The following ATRX variants were observed in gnomAD, a reference collection of about 807,000 sequenced individuals.
ATRX encodes the protein ATRX chromatin remodeler, also known as chromatin remodeler ATRX.
ATRX carries 12 observed loss-of-function variants against 172.6 expected under a neutral mutation model. The ratio of observed to expected loss-of-function variants is 0.07; its 90% CI spans 0.04 to 0.11. ATRX has a LOEUF of 0.11. Ranked by LOEUF, ATRX falls within the 10% of genes least tolerant of loss-of-function variation. The pLI is 1.00. For synonymous variants in ATRX, 674 were observed against 594.7 expected (o/e 1.13, Z -1.94); for missense variants, 1,368 against 1,767.4 (o/e 0.77, Z 4.05).
intron 2 of ATRX, among the ~76,000 whole-genome samples, chrX:77,713,611 G>T (rs1403950070): frequency 3.6e-5 from 4 of 111,387 alleles, no homozygotes; most frequent in African/African-American, 1.3e-4. Context: ...AATAAATAAT[G>T]ACAGAGAATA....
intron 10 of ATRX, among the ~76,000 whole-genome samples, chrX:77,673,690 T>C (rs942761639): frequency 9.0e-6 from 1 of 111,173 alleles, no homozygotes; most frequent in Non-Finnish European, 1.9e-5. Flanking sequence ...ATTCAGGATA[T>C]GACTAAGTTT....
intron 21 of ATRX, among the ~76,000 whole-genome samples, 156 bp from the exon 22 acceptor site, chrX:77,616,886 C>A (rs1388679683): frequency 9.0e-6 from 1 of 111,059 alleles, no homozygotes; most frequent in Non-Finnish European, 1.9e-5. Flanking sequence ...CTTTCTAAAC[C>A]CACAATTATC....
intron 15 of ATRX, among the ~76,000 whole-genome samples, chrX:77,649,587 T>C (rs921103044): frequency 5.4e-5 from 6 of 112,033 alleles, no homozygotes; most frequent in African/African-American, 1.9e-4. Context: ...AAATCTCATC[T>C]TGAATTCCCA....
chrX:77,628,032 T>C (rs1602948469), intron 19 of ATRX, among the ~76,000 whole-genome samples: 1 of 112,170 alleles, frequency 8.9e-6, no homozygotes. Flanking sequence ...ACAGGGGGAA[T>C]GGCAGCCATG....
chrX:77,639,795 T>C (rs782468753), intron 15 of ATRX, among the ~76,000 whole-genome samples: 2 of 112,024 alleles, frequency 1.8e-5, no homozygotes, highest in African/African-American at 3.2e-5. Flanking sequence ...ACTCAAGCTA[T>C]AATATAAGGA....
intron 27 of ATRX, among the ~76,000 whole-genome samples, chrX:77,585,391 T>G (rs1458763398): frequency 9.3e-6 from 1 of 107,215 alleles, no homozygotes. Context: ...CTGGCCAACA[T>G]GGTGAAACCC....
intron 1 of ATRX, among the ~76,000 whole-genome samples, chrX:77,756,514 G>A (rs964037479): frequency 2.0e-4 from 22 of 110,921 alleles, no homozygotes; most frequent in Non-Finnish European, 3.6e-4. Flanking sequence ...CGGGTCTGCG[G>A]ACTGCAAAAA....
intron 9 of ATRX, among the ~76,000 whole-genome samples, chrX:77,680,826 T>A (rs1569538546): frequency 9.0e-6 from 1 of 111,720 alleles, no homozygotes. Flanking sequence ...AACTTATTTT[T>A]AAAATTATTT....
intron 22 of ATRX, among the ~76,000 whole-genome samples, chrX:77,607,708 C>CAAAA (rs35946932): frequency 1.0e-3 from 43 of 41,102 alleles, no homozygotes; most frequent in East Asian, 1.6e-3. Flanking sequence ...GACTCTGTCT[C>CAAAA]AAAAAAAAAA....
intron 5 of ATRX, among the ~76,000 whole-genome samples, chrX:77,695,809 G>A (rs1193928684): frequency 9.0e-6 from 1 of 111,039 alleles, no homozygotes; most frequent in Non-Finnish European, 1.9e-5. Flanking sequence ...ACATAGACAG[G>A]GAACAAGGTT....
At chrX:77,572,028 G>C (rs1355490046) in intron 28 of ATRX, among the ~76,000 whole-genome samples, 1 of 111,785 alleles carries the variant, frequency 8.9e-6, no homozygotes, top group Non-Finnish European at 1.9e-5. Flanking sequence ...AATTTACAGA[G>C]ATATAATCTA....
chrX:77,627,400 A>C (rs1456029228), intron 19 of ATRX, among the ~76,000 whole-genome samples: 1 of 111,689 alleles, frequency 9.0e-6, no homozygotes, highest in Admixed American at 9.5e-5. Context: ...CTAACATAAA[A>C]AATTAAAAAT....
chrX:77,758,598 A>G (rs1280205408), intron 1 of ATRX, among the ~76,000 whole-genome samples: 1 of 109,068 alleles, frequency 9.2e-6, no homozygotes, highest in Admixed American at 9.9e-5. Context: ...TCTACTAAAA[A>G]TACAAAAAAA....
chrX:77,551,720 C>A (rs782594819), intron 30 of ATRX, among the ~76,000 whole-genome samples: 31 of 112,054 alleles, frequency 2.8e-4, no homozygotes, highest in Non-Finnish European at 5.8e-4. Flanking sequence ...ATCTACCCAT[C>A]TGACAAAGGG....
intron 30 of ATRX, among the ~76,000 whole-genome samples, chrX:77,526,874 T>G (rs1376784347): frequency 8.9e-6 from 1 of 112,503 alleles, no homozygotes; most frequent in African/African-American, 3.2e-5. Context: ...CATGACTGTC[T>G]AAGGTCAGGT....
In ATRX at chrX:77,567,496, A is replaced by G. The variant is rs1381664050; in HGVS notation, c.6326+6754T>C. On this transcript the variant is annotated intron_variant, in intron 28 of 34. Coordinates refer to ENST00000373344, the MANE Select transcript of ATRX (RefSeq NM_000489.6). ...TAAAACAGATTTCAGAGCAAAGAAG[A>G]TTATGAGGGATAGACAGGGGCACAG... Among the ~76,000 whole-genome samples the G allele has an allele frequency of 1.4e-4, 16 of 111,259 alleles. No individual in the cohort carries two copies. The Admixed American group carries it at 1.5e-3, about 11-fold the overall frequency.
At chrX:77,735,833 TAA>T (rs201391937) in intron 1 of ATRX, among the ~76,000 whole-genome samples, 1 of 97,851 alleles carries the variant, frequency 1.0e-5, no homozygotes. Flanking sequence ...AATAAATAAA[TAA>T]AAATAAATAA....
At chrX:77,580,975 AAC>A (rs1386412803) in intron 27 of ATRX, among the ~76,000 whole-genome samples, 1 of 112,182 alleles carries the variant, frequency 8.9e-6, no homozygotes, top group Admixed American at 9.5e-5. Flanking sequence ...TGTTTATAAA[AAC>A]AGTGTAAAGT....
At chrX:77,535,964 C>A (rs782307959) in intron 30 of ATRX, among the ~76,000 whole-genome samples, 3 of 108,246 alleles carry the variant, frequency 2.8e-5, no homozygotes, top group African/African-American at 1.0e-4. Context: ...GGTCTTGAAC[C>A]CCTGACCTCA....
Sources: gnomAD v4.1 joint callset for allele counts (sites outside exome capture counted in the v4.1 genomes callset) on GRCh38, gnomAD v4.1.1 for gene constraint, MANE v1.5 for transcripts, NCBI Gene and HGNC (gene_info 2026-07-23, HGNC 2026-07-21) for gene names.